LINGO2: variants seen among roughly 807,000 people sequenced by gnomAD.
LINGO2 encodes leucine-rich repeat and immunoglobulin-like domain-containing nogo receptor-interacting protein 2.
LINGO2 carries 14 observed loss-of-function variants against 30.6 expected under a neutral mutation model. That is an observed-to-expected ratio of 0.46 (90% confidence interval 0.30 to 0.72). The LOEUF (loss-of-function observed/expected upper bound fraction) is 0.72. Ranked by LOEUF, LINGO2 falls within the 30% of genes least tolerant of loss-of-function variation. The probability of loss-of-function intolerance (pLI) is 0.07; values close to 1 mark genes in which losing one functional copy is unlikely to be tolerated. For missense variants in LINGO2, 729 were observed against 751.7 expected, an observed-to-expected ratio of 0.97 and a Z score of 0.35; for synonymous variants, 317 against 288.5, an observed-to-expected ratio of 1.10 and a Z score of -1.00.
intron 1 of LINGO2, among the ~76,000 whole-genome samples, chr9:28,559,421 C>G (rs538900020): frequency 2.0e-4 from 30 of 152,144 alleles, no homozygotes; most frequent in African/African-American, 7.2e-4. Context: ...CTCCAGTGGC[C>G]TCATGTATAG....
At chr9:29,037,086 T>C in the LINGO2 span, among the ~76,000 whole-genome samples, 2 of 151,930 alleles carry the variant, frequency 1.3e-5, no homozygotes, top group African/African-American at 4.8e-5. Context: ...TACTCTTTTT[T>C]TTGTCTGTCC....
chr9:29,067,574 AC>A, the LINGO2 span, among the ~76,000 whole-genome samples: 1 of 151,632 alleles, frequency 6.6e-6, no homozygotes, highest in Non-Finnish European at 1.5e-5. Context: ...AAAAGTGAAC[AC>A]GCAAATAATT....
At chr9:28,913,385 G>T in the LINGO2 span, among the ~76,000 whole-genome samples, 1 of 152,012 alleles carries the variant, frequency 6.6e-6, no homozygotes, top group Non-Finnish European at 1.5e-5. Context: ...TTTCCAGTAG[G>T]TTTATTGAAA....
At chr9:28,952,880 T>C in the LINGO2 span, among the ~76,000 whole-genome samples, 2 of 152,222 alleles carry the variant, frequency 1.3e-5, no homozygotes, top group African/African-American at 2.4e-5. Flanking sequence ...AAGTGGTTTG[T>C]TATGCAGTGA....
At chr9:28,124,927 T>G (rs1827196399) in intron 4 of LINGO2, among the ~76,000 whole-genome samples, 2 of 152,212 alleles carry the variant, frequency 1.3e-5, no homozygotes. Context: ...TAATGACATG[T>G]GCCATAAAAG....
intron 1 of LINGO2, among the ~76,000 whole-genome samples, chr9:28,588,180 C>G (rs532058724): frequency 6.6e-6 from 1 of 152,086 alleles, no homozygotes; most frequent in South Asian, 2.1e-4. Flanking sequence ...AGCCCATTCC[C>G]CCTCTGTTTC....
chr9:28,557,356 T>G (rs866845242), intron 1 of LINGO2, among the ~76,000 whole-genome samples: 30 of 152,072 alleles, frequency 2.0e-4, no homozygotes, highest in Admixed American at 1.1e-3. Context: ...AGACACTTCT[T>G]AAAAGAAGAC....
At chr9:28,806,312 T>C in the LINGO2 span, among the ~76,000 whole-genome samples, 1 of 152,200 alleles carries the variant, frequency 6.6e-6, no homozygotes, top group African/African-American at 2.4e-5. Flanking sequence ...ATCACACATA[T>C]GAGAAAAGCT....
chr9:29,056,713 G>A, the LINGO2 span, among the ~76,000 whole-genome samples: 1 of 152,054 alleles, frequency 6.6e-6, no homozygotes, highest in African/African-American at 2.4e-5. Flanking sequence ...GGATTTTTAT[G>A]GTTTCAGGTC....
At chr9:28,288,070 T>C (rs575936138) in intron 4 of LINGO2, among the ~76,000 whole-genome samples, 37 of 152,246 alleles carry the variant, frequency 2.4e-4, no homozygotes, top group African/African-American at 8.2e-4. Flanking sequence ...AGTTTATCAT[T>C]TCTCTCTGTA....
At position 28,090,677 on chromosome 9, in the gene LINGO2, C is replaced by G. The variant is rs1468929874; in HGVS notation, c.-86-78272G>C. 3.9e-5 allele frequency among the ~76,000 whole-genome samples: 6 copies of G among 152,140 alleles called. No homozygotes were observed. The South Asian group carries it at 8.3e-4, about 21-fold the overall frequency. Reference sequence around the variant, plus strand: ...CACAAGACAGGGATACCTTCTGTCACCACTCCTATTCAACATAGCGTTGGA... The same window carrying G: ...CACAAGACAGGGATACCTTCTGTCAGCACTCCTATTCAACATAGCGTTGGA... On this transcript the variant is annotated intron_variant, in intron 4 of 5. Transcript: ENST00000379992.
At chr9:28,732,830 C>T in the LINGO2 span, among the ~76,000 whole-genome samples, 1 of 152,130 alleles carries the variant, frequency 6.6e-6, no homozygotes, top group Non-Finnish European at 1.5e-5. Flanking sequence ...AAACAATCTA[C>T]ACATTCCACT....
intron 1 of LINGO2, among the ~76,000 whole-genome samples, chr9:28,556,006 T>A (rs930205597): frequency 1.2e-4 from 18 of 152,082 alleles, no homozygotes; most frequent in South Asian, 4.2e-4. Flanking sequence ...CAAAATAATA[T>A]GAGCTATCTA....
chr9:28,050,550 A>G (rs918359002), intron 4 of LINGO2, among the ~76,000 whole-genome samples: 3 of 150,898 alleles, frequency 2.0e-5, no homozygotes, highest in Non-Finnish European at 4.4e-5. Context: ...GTGATCACTG[A>G]TAGGGTTCTA....
chr9:28,037,443 C>CA (rs1031544893), intron 4 of LINGO2, among the ~76,000 whole-genome samples: 2 of 152,036 alleles, frequency 1.3e-5, no homozygotes, highest in Non-Finnish European at 2.9e-5. Flanking sequence ...ATTCATTCTT[C>CA]AACTCTTCAG....
intron 1 of LINGO2, among the ~76,000 whole-genome samples, chr9:28,523,791 GA>G (rs1004314161): frequency 6.6e-6 from 1 of 151,506 alleles, no homozygotes; most frequent in Non-Finnish European, 1.5e-5. Flanking sequence ...TAAATAACTG[GA>G]AAGACATTTC....
chr9:28,795,720 T>G, the LINGO2 span, among the ~76,000 whole-genome samples: 5 of 152,060 alleles, frequency 3.3e-5, no homozygotes, highest in Non-Finnish European at 7.4e-5. Context: ...GGTGGCCCTC[T>G]TTAGCATTTT....
At chr9:28,707,235 A>C in the LINGO2 span, among the ~76,000 whole-genome samples, 1 of 152,104 alleles carries the variant, frequency 6.6e-6, no homozygotes, top group Non-Finnish European at 1.5e-5. Context: ...TCTTCCAGAC[A>C]ATTAAACTAG....
At chr9:27,955,108 T>C (rs767327672) in intron 5 of LINGO2, among the ~76,000 whole-genome samples, 3 of 152,184 alleles carry the variant, frequency 2.0e-5, no homozygotes, top group Non-Finnish European at 2.9e-5. Flanking sequence ...CAAAAAGTCA[T>C]GGATATGTTT....
Sources: gnomAD v4.1 joint callset for allele counts (sites outside exome capture counted in the v4.1 genomes callset) on GRCh38, gnomAD v4.1.1 for gene constraint, MANE v1.5 for transcripts, NCBI Gene and HGNC (gene_info 2026-07-23, HGNC 2026-07-21) for gene names.